Variants in GLIS3 observed in about 807,000 individuals in gnomAD.
GLIS3 encodes zinc finger protein GLIS3.
GLIS3 carries 53 observed loss-of-function variants against 78.6 expected under a neutral mutation model. That is an observed-to-expected ratio of 0.67 (90% CI 0.54 to 0.85). The LOEUF is 0.85. Among genes scored for constraint, GLIS3 ranks in the 40% least tolerant of loss-of-function variants. The pLI, the probability that GLIS3 is intolerant of heterozygous loss-of-function variation, is 0.00. For missense variants in GLIS3, 1,703 were observed against 1,231.1 expected, an observed-to-expected ratio of 1.38 and a Z score of -5.74; for synonymous variants, 684 against 509.9, an observed-to-expected ratio of 1.34 and a Z score of -4.60.
At chr9:4,350,203 C>G (rs1489514656), upstream of GLIS3, among the ~76,000 whole-genome samples, 1 of 152,208 alleles carries the variant, frequency 6.6e-6, no homozygotes, top group Non-Finnish European at 1.5e-5. Context: ...CTTCCTCCAC[C>G]ACCGCATGGC....
chr9:3,850,088 C>G (rs1160099176), intron 9 of GLIS3, among the ~76,000 whole-genome samples: 1 of 152,142 alleles, frequency 6.6e-6, no homozygotes, highest in African/African-American at 2.4e-5. Context: ...ATCTTTGATA[C>G]CTTCTAATTA....
the GLIS3 span, among the ~76,000 whole-genome samples, chr9:4,376,093 G>A: frequency 2.0e-5 from 3 of 152,100 alleles, 1 homozygote; most frequent in South Asian, 2.1e-4. Flanking sequence ...TGATCGTTCA[G>A]AACAGTTGGG....
At chr9:4,211,146 G>GT (rs1820339631) in intron 2 of GLIS3, among the ~76,000 whole-genome samples, 1 of 152,198 alleles carries the variant, frequency 6.6e-6, no homozygotes, top group Non-Finnish European at 1.5e-5. Context: ...TGACCACATG[G>GT]TAAGTAACCA....
intron 9 of GLIS3, among the ~76,000 whole-genome samples, chr9:3,833,067 TAAATATC>T (rs1818139553): frequency 6.6e-6 from 1 of 152,168 alleles, no homozygotes; most frequent in Non-Finnish European, 1.5e-5. Context: ...CTAGAAAAGT[TAAATATC>T]AAATCCAACA....
the GLIS3 span, among the ~76,000 whole-genome samples, chr9:4,450,775 A>G: frequency 6.6e-6 from 1 of 152,282 alleles, no homozygotes; most frequent in South Asian, 2.1e-4. Context: ...GAGAAATAAA[A>G]TCCTTTACAG....
intron 6 of GLIS3, among the ~76,000 whole-genome samples, chr9:3,900,635 A>G (rs1823225076): frequency 6.6e-6 from 1 of 152,246 alleles, no homozygotes; most frequent in African/African-American, 2.4e-5. Context: ...TTATGCAACC[A>G]TTAAAATGGT....
chr9:4,110,560 C>G (rs1014009019), intron 4 of GLIS3, among the ~76,000 whole-genome samples: 1 of 152,180 alleles, frequency 6.6e-6, no homozygotes, highest in Admixed American at 6.5e-5. Flanking sequence ...CACCAAACCC[C>G]TATCTATGCC....
Position 3,837,532 on chromosome 9 carries a change from T to TA in GLIS3, c.2474-8041dup, listed in dbSNP as rs1169322285. 5.9e-5 allele frequency among the ~76,000 whole-genome samples: 9 copies of TA among 152,216 alleles called. No homozygotes were observed. In the East Asian group the frequency reaches 1.7e-3, roughly 29 times the overall value. ...TGGAAGCAACCGAGATTTCCTTCAG[T>TA]AGGCAAACGAATAAATAAACTGCAG... On this transcript the variant is annotated intron_variant, in intron 9 of 10. Transcript: ENST00000381971.
chr9:4,141,305 G>T (rs1270051971), intron 2 of GLIS3, among the ~76,000 whole-genome samples: 1 of 152,188 alleles, frequency 6.6e-6, no homozygotes, highest in Non-Finnish European at 1.5e-5. Flanking sequence ...AAGGAAGGCA[G>T]TGGGGGTAAA....
chr9:4,084,800 C>T (rs1324080107), intron 4 of GLIS3, among the ~76,000 whole-genome samples: 2 of 152,060 alleles, frequency 1.3e-5, no homozygotes, highest in East Asian at 1.9e-4. Context: ...GTTTCTAGAA[C>T]ACCACGTTAG....
chr9:3,929,420 G>C (rs1825475615), intron 6 of GLIS3, among the ~76,000 whole-genome samples: 1 of 152,010 alleles, frequency 6.6e-6, no homozygotes, highest in Non-Finnish European at 1.5e-5. Flanking sequence ...TTTTCAGTAG[G>C]ATCCGACAGG....
chr9:4,106,392 G>C (rs187301121), intron 4 of GLIS3, among the ~76,000 whole-genome samples: 75 of 152,280 alleles, frequency 4.9e-4, no homozygotes, highest in African/African-American at 1.5e-3. Flanking sequence ...TTTCTAAGAA[G>C]GGCGAATGCC....
intron 2 of GLIS3, among the ~76,000 whole-genome samples, chr9:4,327,170 GGA>G (rs1200377210): frequency 2.0e-5 from 3 of 152,106 alleles, no homozygotes; most frequent in African/African-American, 7.2e-5. Context: ...AGGTGAGAAG[GGA>G]GAGTGTCCAG....
At chr9:4,142,111 A>G (rs1022493466) in intron 2 of GLIS3, among the ~76,000 whole-genome samples, 4 of 152,180 alleles carry the variant, frequency 2.6e-5, no homozygotes, top group African/African-American at 9.6e-5. Context: ...TTACAACCCA[A>G]ATTCTTTCCC....
chr9:4,173,931 C>G (rs1816599693), intron 2 of GLIS3, among the ~76,000 whole-genome samples: 2 of 85,024 alleles, frequency 2.4e-5, no homozygotes, highest in African/African-American at 6.3e-5. Context: ...CACACACACA[C>G]ACGCACGCAC....
At chr9:3,961,765 T>C (rs1005827832) in intron 4 of GLIS3, among the ~76,000 whole-genome samples, 1 of 152,202 alleles carries the variant, frequency 6.6e-6, no homozygotes, top group Non-Finnish European at 1.5e-5. Flanking sequence ...GTTGAGGGGA[T>C]CTTCGCTGAC....
intron 8 of GLIS3, chr9:3,878,735 T>C (rs997771519): frequency 4.5e-5 from 7 of 153,938 alleles, no homozygotes; most frequent in African/African-American, 1.7e-4. Flanking sequence ...CTTCCAAAGC[T>C]ACCTGTACTG....
chr9:3,917,795 G>A (rs533501694), intron 6 of GLIS3, among the ~76,000 whole-genome samples: 1 of 152,174 alleles, frequency 6.6e-6, no homozygotes, highest in South Asian at 2.1e-4. Flanking sequence ...CACAGAAAAC[G>A]GACATAGTTG....
chr9:4,153,870 T>A (rs1163663999), intron 2 of GLIS3, among the ~76,000 whole-genome samples: 2 of 152,228 alleles, frequency 1.3e-5, no homozygotes, highest in East Asian at 3.8e-4. Flanking sequence ...TTATCTCTTG[T>A]GGTTCTAGGG....
Sources: allele counts gnomAD v4.1 joint callset (sites outside exome capture counted in the v4.1 genomes callset), GRCh38; gene constraint gnomAD v4.1.1; transcripts MANE v1.5; gene names NCBI Gene and HGNC (gene_info 2026-07-23, HGNC 2026-07-21).